DST: variants seen among roughly 807,000 people sequenced by gnomAD.
DST encodes the protein bullous pemphigoid antigen.
Under a neutral mutation model 875.2 loss-of-function variants are expected in DST, and 253 were observed. The observed-to-expected ratio is 0.29, with a 90% CI of 0.26 to 0.32. DST has a LOEUF of 0.32. Ranked by LOEUF, DST falls within the 10% of genes least tolerant of loss-of-function variation. The pLI is 1.00. For synonymous variants in DST, 3,124 were observed against 3,197.1 expected, an observed-to-expected ratio of 0.98 and a Z score of 0.77; for missense variants, 8,287 against 9,111.6, an observed-to-expected ratio of 0.91 and a Z score of 3.68.
chr6:56,591,854 C>T (rs920346232), intron 49 of DST, among the ~76,000 whole-genome samples: 6 of 151,704 alleles, frequency 4.0e-5, no homozygotes, highest in Admixed American at 2.0e-4. Context: ...TGGTGGCGGG[C>T]GCCTGTAGTC....
chr6:56,562,314 C>T, intron 55 of DST, 114 bp from the exon 56 acceptor site: 2 of 464,266 alleles, frequency 4.3e-6, no homozygotes, highest in Non-Finnish European at 7.2e-6. Flanking sequence ...AACACTGACT[C>T]AACTTCAAAA....
intron 3 of DST, among the ~76,000 whole-genome samples, chr6:56,868,767 T>C (rs1289270813): frequency 6.6e-6 from 1 of 152,204 alleles, no homozygotes; most frequent in East Asian, 1.9e-4. Context: ...TAGGTTCAAC[T>C]CCAAATTATA....
chr6:56,597,830 A>T lies in DST; in HGVS notation c.12105T>A (p.Asp4035Glu). Reference protein sequence around the residue: ...GDGKSAIGEEDEVNGNLLETD... With the variant: ...GDGKSAIGEEEEVNGNLLETD... ...TCTCCAACAGGTTACCATTAACTTC[A>T]TCCTCTTCTCCAATTGCTGACTTGC... The change falls in exon 47 of 104, where the codon GAT (aspartate) becomes GAA (glutamate). Residue 4035 changes from aspartate to glutamate, a missense_variant. Transcript: ENST00000680361. 1 of 1,613,914 alleles carries T rather than the reference A, an allele frequency of 6.2e-7. No individual in the cohort carries two copies. The highest frequency in any genetic ancestry group is 8.5e-7 in the Non-Finnish European group (1 of 1,179,850).
chr6:56,647,789 G>A lies in DST; in HGVS notation c.1554+781C>T, dbSNP rs566446452. Among the ~76,000 whole-genome samples, 9 of 151,570 alleles carry A rather than the reference G, an allele frequency of 5.9e-5. No individual in the cohort carries two copies. In the South Asian group the frequency reaches 1.5e-3, roughly 25 times the overall value. ...CAACCTCCACCTCCCAGGTTCAAGC[G>A]ATTCTCCTGCCTCAGCCTCCTGAGT... On this transcript the variant is annotated intron_variant, in intron 13 of 103. Transcript: ENST00000680361.
chr6:56,770,596 G>A (rs2099652986), intron 4 of DST, among the ~76,000 whole-genome samples: 4 of 152,152 alleles, frequency 2.6e-5, no homozygotes, highest in Admixed American at 2.6e-4. Context: ...ATTTACCTGA[G>A]TGCTGCAACA....
intron 36 of DST, chr6:56,617,219 C>T: frequency 6.2e-7 from 1 of 1,600,640 alleles, no homozygotes; most frequent in Non-Finnish European, 8.5e-7. Flanking sequence ...TTCATCATCC[C>T]TGACTGAACA....
At chr6:56,690,578 G>A (rs900996850) in intron 9 of DST, among the ~76,000 whole-genome samples, 1 of 152,142 alleles carries the variant, frequency 6.6e-6, no homozygotes, top group African/African-American at 2.4e-5. Context: ...ATTCTACTTA[G>A]AAGTTAACTC....
rs774519736 is a variant in DST at position 56,611,561 on chromosome 6, T to C, written c.5094A>G (p.Gln1698=). ...SSEEISTKKE[Q]LSEALQTIQL... is the part of the protein sequence containing the mutation. ...GTATAGTTTGAAGTGCTTCCGATAATTGTTCCTTCTTGGTTGATATTTCCT... is the reference window on the plus strand; with the variant it reads ...GTATAGTTTGAAGTGCTTCCGATAACTGTTCCTTCTTGGTTGATATTTCCT... Residue 1698 remains glutamine (Q), a synonymous_variant, in exon 38 of 104, where the codon CAA becomes CAG. Coordinates refer to ENST00000680361, the MANE Select transcript of DST (RefSeq NM_001374736.1). 5 of 1,613,068 alleles carry C rather than the reference T, an allele frequency of 3.1e-6. No individual in the cohort carries two copies. The South Asian group carries it at 5.5e-5, about 18-fold the overall frequency.
At chr6:56,663,442 A>G (rs1285782343) in intron 10 of DST, among the ~76,000 whole-genome samples, 2 of 152,252 alleles carry the variant, frequency 1.3e-5, no homozygotes, top group East Asian at 3.8e-4. Flanking sequence ...GCCCATGGCC[A>G]TGTGTATGCA....
At chr6:56,618,815 A>G (rs2098656441) in intron 36 of DST, 1 of 1,613,994 alleles carries the variant, frequency 6.2e-7, no homozygotes, top group African/African-American at 1.3e-5. Context: ...TTCTTCCTGA[A>G]ACAGAACCAT....
At chr6:56,612,552 AAATT>A (rs1224786836) in intron 37 of DST, among the ~76,000 whole-genome samples, 2 of 152,240 alleles carry the variant, frequency 1.3e-5, no homozygotes, top group African/African-American at 4.8e-5. Context: ...CTTATTTCAG[AAATT>A]AATTGCCATT....
chr6:56,939,113 G>A lies in DST; in HGVS notation c.216+14672C>T, dbSNP rs117368973. Among the ~76,000 whole-genome samples, 391 of 152,368 alleles carry A rather than the reference G, an allele frequency of 2.6e-3. 3 individuals carry two copies. In the East Asian group the frequency reaches 0.039, roughly 15 times the overall value. ...TTGTGAAGTTGTCCAATAAGGATATGCCTCCCAGGCACAAGAACAGAAAAG... is the reference window on the plus strand; with the variant it reads ...TTGTGAAGTTGTCCAATAAGGATATACCTCCCAGGCACAAGAACAGAAAAG... On this transcript the variant is annotated intron_variant, in intron 2 of 103. Coordinates refer to ENST00000680361, the MANE Select transcript of DST (RefSeq NM_001374736.1).
chr6:56,804,977 A>T (rs1488149631), intron 4 of DST, among the ~76,000 whole-genome samples: 1 of 152,182 alleles, frequency 6.6e-6, no homozygotes, highest in East Asian at 1.9e-4. Context: ...TTATATAAAG[A>T]TCATTTCCAT....
chr6:56,778,192 C>G (rs1250888441), intron 4 of DST, among the ~76,000 whole-genome samples: 1 of 151,840 alleles, frequency 6.6e-6, no homozygotes, highest in Non-Finnish European at 1.5e-5. Flanking sequence ...GAATTGGGAG[C>G]CTTTCATTCA....
intron 4 of DST, chr6:56,785,915 G>C (rs2099704451): frequency 6.6e-6 from 1 of 152,426 alleles, no homozygotes; most frequent in Admixed American, 6.5e-5. Context: ...TTACACTTGA[G>C]GGAAGCTGAG....
At chr6:56,862,377 G>C (rs941315448) in intron 3 of DST, among the ~76,000 whole-genome samples, 1 of 152,076 alleles carries the variant, frequency 6.6e-6, no homozygotes, top group Non-Finnish European at 1.5e-5. Context: ...TTTGAGGGGG[G>C]AAGATGTTAG....
chr6:56,533,681 A>G (rs1236642636), intron 63 of DST, among the ~76,000 whole-genome samples: 1 of 152,240 alleles, frequency 6.6e-6, no homozygotes, highest in Admixed American at 6.5e-5. Context: ...GCTAAGCATC[A>G]TGACTCTGGG....
intron 5 of DST, among the ~76,000 whole-genome samples, chr6:56,728,973 TACACACACACACACACAC>T (rs35066414): frequency 0.055 from 7,307 of 132,088 alleles, 548 homozygotes; most frequent in African/African-American, 0.18. Flanking sequence ...ATAAAAAAAG[TACACACACACACACACAC>T]ACACACACAC....
At chr6:56,813,331 A>G (rs1216909040) in intron 4 of DST, among the ~76,000 whole-genome samples, 1 of 151,444 alleles carries the variant, frequency 6.6e-6, no homozygotes, top group African/African-American at 2.4e-5. Flanking sequence ...ACATGTACAC[A>G]TATGTAACTA....
Sources: gnomAD v4.1 joint callset for allele counts (sites outside exome capture counted in the v4.1 genomes callset) on GRCh38, gnomAD v4.1.1 for gene constraint, MANE v1.5 for transcripts, NCBI Gene and HGNC (gene_info 2026-07-23, HGNC 2026-07-21) for gene names.